The following PTPRG variants were observed in gnomAD, a reference collection of about 807,000 sequenced individuals.
The protein encoded by PTPRG is receptor-type tyrosine-protein phosphatase gamma.
Under a neutral mutation model 165.3 loss-of-function variants are expected in PTPRG, and 102 were observed. The ratio of observed to expected loss-of-function variants is 0.62; its 90% confidence interval spans 0.53 to 0.73. The LOEUF (loss-of-function observed/expected upper bound fraction) is 0.73. Among genes scored for constraint, PTPRG ranks in the 30% least tolerant of loss-of-function variants. PTPRG has a pLI of 0.00. For synonymous variants in PTPRG, 675 were observed against 669.5 expected (o/e 1.01, Z -0.13); for missense variants, 1,866 against 1,861.4 (o/e 1.00, Z -0.05).
chr3:61,625,425 A>G (rs2106912892), intron 1 of PTPRG, among the ~76,000 whole-genome samples: 1 of 152,302 alleles, frequency 6.6e-6, no homozygotes, highest in East Asian at 1.9e-4. Context: ...TTTTAAACCC[A>G]TCAACTAAAC....
chr3:62,107,061 T>G (rs1702497738), intron 5 of PTPRG, among the ~76,000 whole-genome samples: 1 of 152,230 alleles, frequency 6.6e-6, no homozygotes, highest in South Asian at 2.1e-4. Context: ...CTCTCTCACC[T>G]GTAAGTTAGA....
chr3:62,228,822 C>G lies in PTPRG; in HGVS notation c.2289-2403C>G, dbSNP rs1452593807. On this transcript the variant is annotated intron_variant, in intron 13 of 29. Transcript: ENST00000474889. The surrounding 1 kb of genome is among the most constrained non-coding windows in gnomAD (Gnocchi z 4.1). The stretch of plus-strand genomic sequence containing the variant: ...AAGGTAGGTTTATATAAAACTTTGT[C>G]TAGTTTGGAAAACTCTGAGCTTCCA... Among the ~76,000 whole-genome samples the G allele has an allele frequency of 3.3e-5, 5 of 152,150 alleles. No individual in the cohort carries two copies.
intron 1 of PTPRG, among the ~76,000 whole-genome samples, chr3:61,606,385 T>TA: frequency 6.6e-6 from 1 of 152,312 alleles, no homozygotes. Flanking sequence ...TAGTCTCTTT[T>TA]AAAAGACTCA....
chr3:61,740,213 A>G (rs1234949040), intron 1 of PTPRG, among the ~76,000 whole-genome samples: 1 of 152,206 alleles, frequency 6.6e-6, no homozygotes, highest in Non-Finnish European at 1.5e-5. Flanking sequence ...TTTTCCTGGT[A>G]ATATTATAGA....
At chr3:61,941,945 G>C (rs2107607366) in intron 2 of PTPRG, among the ~76,000 whole-genome samples, 1 of 151,858 alleles carries the variant, frequency 6.6e-6, no homozygotes, top group East Asian at 1.9e-4. Context: ...GATTACCTGA[G>C]GTCAGGAGCT....
chr3:61,854,310 T>G (rs1559650104), intron 2 of PTPRG, among the ~76,000 whole-genome samples: 4 of 152,178 alleles, frequency 2.6e-5, no homozygotes, highest in African/African-American at 7.2e-5. Flanking sequence ...ACCATAATTA[T>G]AAAAACATTG....
Position 61,848,675 on chromosome 3 carries a change from T to G in PTPRG, c.190+99693T>G, listed in dbSNP as rs560431437. ...TATAATGAACATGGAATATAAAGAC[T>G]TGCTCTTCCCTAAATTGCTCAGTAT... On this transcript the variant is annotated intron_variant, in intron 2 of 29. Transcript: ENST00000474889. 2.0e-5 allele frequency among the ~76,000 whole-genome samples: 3 copies of G among 152,346 alleles called. No individual in the cohort carries two copies. In the East Asian group the frequency reaches 5.8e-4, roughly 29 times the overall value.
rs540431529 is a variant in PTPRG at position 61,918,360 on chromosome 3, A to ATG, written c.191-71263_191-71262dup. 2.5e-3 allele frequency among the ~76,000 whole-genome samples: 385 copies of ATG among 151,810 alleles called. 1 individual carries two copies. The highest frequency in any genetic ancestry group is 9.1e-3 in the African/African-American group (373 of 41,208). ...GGAAATCAGTTATTGAATGGGAAAT[A>ATG]TGTATATATATATATACACACACAC... On this transcript the variant is annotated intron_variant, in intron 2 of 29. Coordinates refer to ENST00000474889, the MANE Select transcript of PTPRG (RefSeq NM_002841.4).
intron 2 of PTPRG, among the ~76,000 whole-genome samples, chr3:61,840,770 T>TTTTG (rs1302534234): frequency 4.1e-5 from 5 of 121,368 alleles, no homozygotes; most frequent in East Asian, 7.2e-4. Flanking sequence ...ATGGAGTTTT[T>TTTTG]TTTGTTTGTT....
chr3:61,855,785 G>T (rs2037089408), intron 2 of PTPRG, among the ~76,000 whole-genome samples: 1 of 151,590 alleles, frequency 6.6e-6, no homozygotes, highest in South Asian at 2.1e-4. Context: ...AGCTTGCTGA[G>T]GTGTAAGCCT....
chr3:61,575,160 G>T (rs1021858734), intron 1 of PTPRG, among the ~76,000 whole-genome samples: 1 of 152,210 alleles, frequency 6.6e-6, no homozygotes, highest in Non-Finnish European at 1.5e-5. Context: ...TGCTAGTGAA[G>T]TTTCTTAACT....
At chr3:62,269,216 T>A in intron 20 of PTPRG, 47 bp downstream of exon 20, 1 of 1,501,984 alleles carries the variant, frequency 6.7e-7, no homozygotes, top group Non-Finnish European at 9.0e-7. Context: ...CTTTTTATAC[T>A]TGTATGAAAA....
At chr3:61,742,336 G>T in intron 1 of PTPRG, 1 of 645,374 alleles carries the variant, frequency 1.5e-6, no homozygotes, top group Non-Finnish European at 2.6e-6. Flanking sequence ...CAGTTGCGTT[G>T]ATATCTTCAG....
At chr3:62,053,116 C>T (rs1401683100) in intron 4 of PTPRG, among the ~76,000 whole-genome samples, 3 of 151,654 alleles carry the variant, frequency 2.0e-5, no homozygotes, top group Admixed American at 2.0e-4. Flanking sequence ...TTTTTTTTTC[C>T]TAAGGATACA....
chr3:61,810,073 C>G (rs527856638), intron 2 of PTPRG, among the ~76,000 whole-genome samples: 3 of 152,140 alleles, frequency 2.0e-5, no homozygotes, highest in African/African-American at 7.2e-5. Flanking sequence ...CCTGCACAGC[C>G]TAAATGGCTT....
chr3:61,624,945 A>G (rs1701566962), intron 1 of PTPRG, among the ~76,000 whole-genome samples: 1 of 152,136 alleles, frequency 6.6e-6, no homozygotes, highest in East Asian at 1.9e-4. Context: ...AGGTGTCAGC[A>G]GGGTTAATTC....
intron 1 of PTPRG, among the ~76,000 whole-genome samples, chr3:61,644,121 TGCCC>T: frequency 6.6e-6 from 1 of 152,346 alleles, no homozygotes; most frequent in South Asian, 2.1e-4. Context: ...GCTAATTATG[TGCCC>T]TGGAGTTCTT....
At chr3:62,024,541 C>G (rs1482065052) in intron 4 of PTPRG, among the ~76,000 whole-genome samples, 1 of 152,160 alleles carries the variant, frequency 6.6e-6, no homozygotes, top group Non-Finnish European at 1.5e-5. Flanking sequence ...TGTATTTAAG[C>G]AGAAATGGAA....
chr3:61,715,365 T>C (rs1209446993), intron 1 of PTPRG, among the ~76,000 whole-genome samples: 1 of 152,036 alleles, frequency 6.6e-6, no homozygotes, highest in African/African-American at 2.4e-5. Flanking sequence ...TACAGGTGTG[T>C]GCCACCACAT....
Sources: gnomAD v4.1 joint callset for allele counts (sites outside exome capture counted in the v4.1 genomes callset) on GRCh38, gnomAD v4.1.1 for gene constraint, Gnocchi (gnomAD v3.1) non-coding constraint, MANE v1.5 for transcripts, NCBI Gene and HGNC (gene_info 2026-07-23, HGNC 2026-07-21) for gene names.